Variants in ATXN7L1 observed in about 807,000 individuals in gnomAD.
ATXN7L1 encodes ataxin-7-like protein 1.
In ATXN7L1, 15 loss-of-function variants were observed where a neutral mutation model predicts 70.8. The ratio of observed to expected loss-of-function variants is 0.21; its 90% CI spans 0.14 to 0.33. ATXN7L1 has a LOEUF of 0.33. ATXN7L1 is among the 10% of genes least tolerant of loss of function. ATXN7L1 has a pLI of 1.00. For synonymous variants in ATXN7L1, 440 were observed against 445.1 expected, an observed-to-expected ratio of 0.99 and a Z score of 0.14; for missense variants, 975 against 1,097.1, an observed-to-expected ratio of 0.89 and a Z score of 1.57.
intron 3 of ATXN7L1, among the ~76,000 whole-genome samples, chr7:105,691,181 C>T (rs1354189216): frequency 1.3e-5 from 2 of 152,158 alleles, no homozygotes; most frequent in Non-Finnish European, 2.9e-5. Flanking sequence ...ACAAAACAAC[C>T]GCTGTAAACT....
At chr7:105,741,148 C>T (rs914711298) in intron 3 of ATXN7L1, among the ~76,000 whole-genome samples, 3 of 152,128 alleles carry the variant, frequency 2.0e-5, no homozygotes, top group African/African-American at 7.2e-5. Flanking sequence ...GGCTGGGCTG[C>T]AGCAGAGTGG....
At chr7:105,768,603 C>A (rs1801586180) in intron 3 of ATXN7L1, among the ~76,000 whole-genome samples, 1 of 152,220 alleles carries the variant, frequency 6.6e-6, no homozygotes, top group South Asian at 2.1e-4. Context: ...AGTTTTTGGT[C>A]TGCACAGTTC....
At chr7:105,873,176 CAA>C (rs1273535577) in intron 2 of ATXN7L1, among the ~76,000 whole-genome samples, 3 of 151,846 alleles carry the variant, frequency 2.0e-5, no homozygotes, top group Non-Finnish European at 2.9e-5. Flanking sequence ...CAAAACAAAA[CAA>C]AACAAAACAA....
At chr7:105,699,748 C>T (rs1792202968) in intron 3 of ATXN7L1, among the ~76,000 whole-genome samples, 1 of 152,094 alleles carries the variant, frequency 6.6e-6, no homozygotes, top group African/African-American at 2.4e-5. Flanking sequence ...ATGATGATTG[C>T]CCCATCATCA....
At chr7:105,657,913 A>G (rs1472265746) in intron 4 of ATXN7L1, among the ~76,000 whole-genome samples, 3 of 152,080 alleles carry the variant, frequency 2.0e-5, no homozygotes, top group Non-Finnish European at 4.4e-5. Context: ...AAACCTAAAA[A>G]TGGGTCAAAT....
intron 3 of ATXN7L1, among the ~76,000 whole-genome samples, chr7:105,761,872 A>G (rs900240132): frequency 6.6e-6 from 1 of 152,202 alleles, no homozygotes; most frequent in Non-Finnish European, 1.5e-5. Flanking sequence ...TTGTATTCTA[A>G]TACTTGTCAT....
intron 2 of ATXN7L1, among the ~76,000 whole-genome samples, chr7:105,845,626 G>A (rs1323839054): frequency 2.0e-5 from 3 of 151,796 alleles, no homozygotes; most frequent in Non-Finnish European, 4.4e-5. Flanking sequence ...AACAAAGTTG[G>A]AAGACTCATA....
intron 3 of ATXN7L1, among the ~76,000 whole-genome samples, chr7:105,758,960 G>GGGTC (rs1487653861): frequency 6.6e-6 from 1 of 152,152 alleles, no homozygotes; most frequent in Non-Finnish European, 1.5e-5. Context: ...CTGCGGAAGG[G>GGGTC]GGTCCGTGGG....
intron 3 of ATXN7L1, among the ~76,000 whole-genome samples, chr7:105,703,246 G>A (rs939234973): frequency 6.6e-6 from 1 of 151,704 alleles, no homozygotes; most frequent in Non-Finnish European, 1.5e-5. Flanking sequence ...CAGAGGTTGC[G>A]GTGAGCCGAG....
chr7:105,759,407 C>T (rs2116407750), intron 3 of ATXN7L1, among the ~76,000 whole-genome samples: 1 of 150,998 alleles, frequency 6.6e-6, no homozygotes, highest in African/African-American at 2.4e-5. Flanking sequence ...AACCTCCTCG[C>T]TGGAGGAGGA....
intron 3 of ATXN7L1, among the ~76,000 whole-genome samples, chr7:105,741,482 A>G (rs1408101884): frequency 6.6e-6 from 1 of 152,194 alleles, no homozygotes; most frequent in Non-Finnish European, 1.5e-5. Flanking sequence ...CTTTTCTCAT[A>G]GAAGTATCAG....
At chr7:105,702,176 C>T (rs981746090) in intron 3 of ATXN7L1, among the ~76,000 whole-genome samples, 2 of 152,106 alleles carry the variant, frequency 1.3e-5, no homozygotes, top group East Asian at 1.9e-4. Context: ...CATTTGCATC[C>T]GTGGCATAAC....
chr7:105,805,613 A>C (rs2116525914), intron 2 of ATXN7L1, among the ~76,000 whole-genome samples: 1 of 152,358 alleles, frequency 6.6e-6, no homozygotes, highest in South Asian at 2.1e-4. Context: ...AGCCCACAGT[A>C]CACTTGGCAA....
intron 3 of ATXN7L1, among the ~76,000 whole-genome samples, chr7:105,747,097 G>A (rs560820320): frequency 2.0e-5 from 3 of 152,280 alleles, no homozygotes; most frequent in South Asian, 2.1e-4. Flanking sequence ...CCTTAGAAGC[G>A]CCAAAATGAT....
intron 2 of ATXN7L1, among the ~76,000 whole-genome samples, chr7:105,790,748 C>T (rs1429553752): frequency 6.8e-6 from 1 of 146,656 alleles, no homozygotes; most frequent in African/African-American, 2.5e-5. Context: ...TATAGGAAAC[C>T]CATGGTCACA....
At chr7:105,684,844 CA>C (rs1805964535) in intron 3 of ATXN7L1, among the ~76,000 whole-genome samples, 1 of 152,170 alleles carries the variant, frequency 6.6e-6, no homozygotes, top group Admixed American at 6.5e-5. Context: ...TGTACCGAAC[CA>C]TGTGCCATTC....
chr7:105,789,590 A>C lies in ATXN7L1; in HGVS notation c.251-882T>G, dbSNP rs139772667. ...AAAGGGCCAGGCAGGGGGAAGGCGG[A>C]AAGTTTGAAGCTGAAGCCAAGGAAG... On this transcript the variant is annotated intron_variant, in intron 2 of 11. Transcript: ENST00000419735. Among the ~76,000 whole-genome samples the C allele has an allele frequency of 5.9e-5, 9 of 152,238 alleles. No homozygotes were observed. In the East Asian group the frequency reaches 1.7e-3, roughly 29 times the overall value.
intron 4 of ATXN7L1, among the ~76,000 whole-genome samples, chr7:105,656,601 C>T (rs1330315694): frequency 7.4e-6 from 1 of 135,512 alleles, no homozygotes; most frequent in Non-Finnish European, 1.5e-5. Flanking sequence ...GAGATAGTCT[C>T]GCTCTGTCAC....
chr7:105,794,888 T>C (rs1805764513), intron 2 of ATXN7L1, among the ~76,000 whole-genome samples: 1 of 152,234 alleles, frequency 6.6e-6, no homozygotes, highest in Non-Finnish European at 1.5e-5. Flanking sequence ...CAGGTCTGCT[T>C]ATAAATTTAT....
Sources: gnomAD v4.1 joint callset for allele counts (sites outside exome capture counted in the v4.1 genomes callset) on GRCh38, gnomAD v4.1.1 for gene constraint, MANE v1.5 for transcripts, NCBI Gene and HGNC (gene_info 2026-07-23, HGNC 2026-07-21) for gene names.